Variants in CST3 observed in about 807,000 individuals in gnomAD.
CST3 encodes cystatin-C.
Under a neutral mutation model 9.0 loss-of-function variants are expected in CST3, and 14 were observed. The observed-to-expected ratio is 1.56, with a 90% CI of 1.03 to 2.44. The LOEUF (loss-of-function observed/expected upper bound fraction) is 2.44, where lower values mean the gene tolerates loss of function less well. Ranked by LOEUF, CST3 falls within the 30% of genes most tolerant of loss-of-function variation. CST3 has a pLI of 0.00. For synonymous variants in CST3, 96 were observed against 90.2 expected, an observed-to-expected ratio of 1.06 and a Z score of -0.37; for missense variants, 237 against 204.3, an observed-to-expected ratio of 1.16 and a Z score of -0.98.
At chr20:23,636,566 G>GA (rs3838050) in intron 1 of CST3, among the ~76,000 whole-genome samples, 29,085 of 152,166 alleles carry the variant, frequency 0.19, 2,971 homozygotes, top group South Asian at 0.32. Context: ...GTGACTTGGG[G>GA]AGGGAAGCAG....
downstream of CST3, among the ~76,000 whole-genome samples, chr20:23,633,211 T>C (rs143018009): frequency 8.3e-3 from 1,262 of 152,140 alleles, 21 homozygotes; most frequent in African/African-American, 0.029. Flanking sequence ...CACTATTTAG[T>C]GTCTAGGGGA....
intron 1 of CST3, among the ~76,000 whole-genome samples, chr20:23,636,962 C>A (rs917226741): frequency 6.6e-6 from 1 of 152,012 alleles, no homozygotes; most frequent in Non-Finnish European, 1.5e-5. Context: ...TTAGGAAAAA[C>A]ACACTGAAGT....
rs575085375 is a variant in CST3, at chr20:23,637,563, G to T, written c.243+57C>A. The T allele has an allele frequency of 3.5e-6, 5 of 1,412,046 alleles. No homozygotes were observed. In the East Asian group the frequency reaches 8.8e-5, roughly 25 times the overall value. 87.5% of individuals were successfully genotyped at this position (1,412,046 alleles called of 1,614,324 possible). On this transcript the variant is annotated intron_variant, in intron 1 of 2. Transcript: ENST00000376925. ...CAGCACGGGGTCCGGGAGCAGCGCG[G>T]GGGGAGGCTGGGACGGCGGGGCCGG...
chr20:23,637,495 C>T lies in CST3; in HGVS notation c.243+125G>A, dbSNP rs1209218092. Reference sequence around the variant, plus strand: ...AGGGCTCGGGGGTGACAGCGAAGACCGGGAACAGGGTCCGGGTGAGAAGCC... The same window carrying T: ...AGGGCTCGGGGGTGACAGCGAAGACTGGGAACAGGGTCCGGGTGAGAAGCC... On this transcript the variant is annotated intron_variant, in intron 1 of 2. Transcript: ENST00000376925. The T allele has an allele frequency of 4.1e-6, 4 of 982,166 alleles. No individual in the cohort carries two copies. In the South Asian group the frequency reaches 8.2e-5, roughly 20 times the overall value. 60.8% of individuals were successfully genotyped at this position (982,166 alleles called of 1,614,324 possible).
chr20:23,633,700 C>T lies in CST3; in HGVS notation c.*216G>A, dbSNP rs570540057. The T allele has an allele frequency of 1.1e-4, 73 of 648,900 alleles. No homozygotes were observed. The highest frequency in any genetic ancestry group is 1.1e-3 in the South Asian group (61 of 57,480). The allele number at this position is 648,900 out of a possible 1,614,324, so 40.2% of individuals were successfully genotyped here. ...TTGCAGGAGGTGGGGGTGTATGCAC[C>T]GCACACCGGGGCTATGAGAAGCAAG... On this transcript the variant is annotated 3_prime_UTR_variant, in exon 3 of 3. Transcript: ENST00000376925.
chr20:23,629,744 A>T (rs116542696), downstream of CST3, among the ~76,000 whole-genome samples: 31,064 of 139,506 alleles, frequency 0.22, 3,382 homozygotes, highest in South Asian at 0.34. Flanking sequence ...TGGGGGGGGG[A>T]GGGGGTGGAA....
intron 1 of CST3, among the ~76,000 whole-genome samples, chr20:23,636,369 C>A (rs985828156): frequency 1.3e-5 from 2 of 152,196 alleles, no homozygotes; most frequent in Non-Finnish European, 2.9e-5. Context: ...AGCTCCCTCC[C>A]GATCCGACCC....
chr20:23,628,998 G>T (rs894254737), downstream of CST3: 2 of 152,190 alleles, frequency 1.3e-5, no homozygotes, highest in African/African-American at 4.8e-5. Flanking sequence ...CAGCAGGGAA[G>T]GAAGAACCCA....
At chr20:23,626,801 A>C (rs1451757824) in exon 4 of CST3, 1 of 152,186 alleles carries the variant, frequency 6.6e-6, no homozygotes, top group Non-Finnish European at 1.5e-5. Flanking sequence ...TCTTGTGTTT[A>C]GTTTTTCCTG....
At chr20:23,632,342 C>T (rs62208869), downstream of CST3, 21,908 of 152,284 alleles carry the variant, frequency 0.14, 1,723 homozygotes, top group East Asian at 0.22. Context: ...GAGCACCTCC[C>T]TGCAGGGACC....
At position 23,633,828 on chromosome 20, in the gene CST3, G is replaced by A; in HGVS notation, c.*88C>T. On this transcript the variant is annotated 3_prime_UTR_variant, in exon 3 of 3. Coordinates refer to ENST00000376925, the MANE Select transcript of CST3 (RefSeq NM_000099.4). ...GGCACATGGGGAGACCTTCCCCAAGGCAGGGGCCACCAGTCCAGGGGTGGG... is the reference window on the plus strand; with the variant it reads ...GGCACATGGGGAGACCTTCCCCAAGACAGGGGCCACCAGTCCAGGGGTGGG... 8.5e-7 allele frequency: 1 copy of A among 1,169,988 alleles called. No individual in the cohort carries two copies. The highest frequency in any genetic ancestry group is 2.3e-5 in the East Asian group (1 of 42,816). The allele number at this position is 1,169,988 out of a possible 1,614,324, so 72.5% of individuals were successfully genotyped here.
At position 23,637,767 on chromosome 20, in the gene CST3, C is replaced by A. The variant is rs1048269695; in HGVS notation, c.96G>T (p.Pro32=). 3.9e-6 allele frequency: 6 copies of A among 1,529,098 alleles called. No individual in the cohort carries two copies. Among genetic ancestry groups the A allele is most frequent in the Non-Finnish European group, 5.3e-6 (6 of 1,139,230 alleles). The allele number at this position is 1,529,098 out of a possible 1,614,324, so 94.7% of individuals were successfully genotyped here. ...SPAAGSSPGK[P]PRLVGGPMDA... The stretch of plus-strand genomic sequence containing the variant: ...CCATGGGGCCTCCCACTAGGCGCGG[C>A]GGCTTGCCGGGACTGGAGCCGGCCG... The change falls in exon 1 of 3, where the codon CCG becomes CCT. Residue 32 remains proline, a synonymous_variant. Transcript: ENST00000376925.
At position 23,635,329 on chromosome 20, in the gene CST3, C is replaced by T. The variant is rs1979628099; in HGVS notation, c.282G>A (p.Leu94=). Residue 94 remains leucine, a synonymous_variant, in exon 2 of 3, where the codon CTG becomes CTA. Transcript: ENST00000376925. ...AGVNYFLDVE[L]GRTTCTKTQP... is the part of the protein sequence containing the mutation. ...GGGTCTTGGTACACGTGGTTCGGCC[C>T]AGCTCCACGTCCAAGAAGTAGTTCA... 6.2e-7 allele frequency: 1 copy of T among 1,613,728 alleles called. No homozygotes were observed. The highest frequency in any genetic ancestry group is 1.7e-5 in the Admixed American group (1 of 59,998).
chr20:23,629,870 G>A (rs1979388054), downstream of CST3, among the ~76,000 whole-genome samples: 1 of 152,156 alleles, frequency 6.6e-6, no homozygotes, highest in Non-Finnish European at 1.5e-5. Flanking sequence ...GGCAGGAGGT[G>A]ATTTCCTGAA....
downstream of CST3, among the ~76,000 whole-genome samples, chr20:23,631,103 AC>A (rs1979437583): frequency 6.6e-6 from 1 of 151,188 alleles, no homozygotes; most frequent in African/African-American, 2.5e-5. Context: ...CATTTAGAAA[AC>A]AAAATTTTGG....
chr20:23,635,835 C>T (rs1979651576), intron 1 of CST3, among the ~76,000 whole-genome samples: 1 of 152,204 alleles, frequency 6.6e-6, no homozygotes, highest in African/African-American at 2.4e-5. Flanking sequence ...CACGTGCTTC[C>T]ATTCCAGGTG....
downstream of CST3, among the ~76,000 whole-genome samples, chr20:23,632,741 T>G (rs1004429114): frequency 6.6e-6 from 1 of 152,192 alleles, no homozygotes; most frequent in Non-Finnish European, 1.5e-5. Flanking sequence ...CCAGCAGCAC[T>G]GGCTGTAAGG....
chr20:23,637,816 G>A lies in CST3; in HGVS notation c.47C>T (p.Ala16Val). 2.0e-6 allele frequency: 3 copies of A among 1,496,388 alleles called. No homozygotes were observed. The highest frequency in any genetic ancestry group is 2.7e-6 in the Non-Finnish European group (3 of 1,124,526). 92.7% of individuals were successfully genotyped at this position (1,496,388 alleles called of 1,614,324 possible). A position where few individuals can be genotyped will look rare whatever the true frequency, so the allele number is the denominator to read the frequency against. The change falls in exon 1 of 3, where the codon GCC becomes GTC. Residue 16 changes from alanine to valine, a missense_variant. Coordinates refer to ENST00000376925, the MANE Select transcript of CST3 (RefSeq NM_000099.4). ...RAPLLLLAILAVALAVSPAAG... is the reference protein window; with the variant it reads ...RAPLLLLAILVVALAVSPAAG... Reference sequence around the variant, plus strand: ...CGCGGGGCTCACGGCCAGGGCCACGGCCAGGATGGCCAGCAGGAGCAGCGG... The same window carrying A: ...CGCGGGGCTCACGGCCAGGGCCACGACCAGGATGGCCAGCAGGAGCAGCGG...
chr20:23,630,148 A>G (rs1164696336), downstream of CST3, among the ~76,000 whole-genome samples: 2 of 152,208 alleles, frequency 1.3e-5, no homozygotes, highest in Non-Finnish European at 2.9e-5. Context: ...TGGGAGGAGT[A>G]TTTAAACATC....
Sources: allele counts gnomAD v4.1 joint callset (sites outside exome capture counted in the v4.1 genomes callset), GRCh38; gene constraint gnomAD v4.1.1; transcripts MANE v1.5; gene names NCBI Gene and HGNC (gene_info 2026-07-23, HGNC 2026-07-21).